MICAL2: variants seen among roughly 807,000 people sequenced by gnomAD.
MICAL2 encodes the protein [F-actin]-monooxygenase MICAL2.
MICAL2 carries 77 observed loss-of-function variants against 127.3 expected under a neutral mutation model. The observed-to-expected ratio is 0.60, with a 90% CI of 0.50 to 0.73. The LOEUF (loss-of-function observed/expected upper bound fraction) is 0.73, where lower values mean the gene tolerates loss of function less well. MICAL2 is among the 30% of genes least tolerant of loss of function. The probability of loss-of-function intolerance (pLI) is 0.00; values close to 1 mark genes in which losing one functional copy is unlikely to be tolerated. For missense variants in MICAL2, 1,351 were observed against 1,434.4 expected (o/e 0.94, Z 0.94); for synonymous variants, 570 against 551.1 (o/e 1.03, Z -0.48).
chr11:12,124,221 A>G (rs145845866), intron 1 of MICAL2, among the ~76,000 whole-genome samples: 2 of 152,248 alleles, frequency 1.3e-5, no homozygotes, highest in East Asian at 3.9e-4. Context: ...TATGCCTTCC[A>G]CAGCGTCACC....
intron 29 of MICAL2, among the ~76,000 whole-genome samples, chr11:12,309,239 A>T (rs983913263): frequency 2.0e-5 from 3 of 152,132 alleles, no homozygotes; most frequent in Non-Finnish European, 4.4e-5. Context: ...AATCATTGTT[A>T]CCTATAATTT....
At chr11:12,178,904 C>A (rs1194823538) in intron 3 of MICAL2, among the ~76,000 whole-genome samples, 1 of 152,050 alleles carries the variant, frequency 6.6e-6, no homozygotes, top group Admixed American at 6.6e-5. Flanking sequence ...ATCACACCTT[C>A]CTTTGCAGTT....
chr11:12,257,067 C>G, intron 24 of MICAL2, 96 bp downstream of exon 24: 1 of 1,251,384 alleles, frequency 8.0e-7, no homozygotes, highest in Non-Finnish European at 1.1e-6. Context: ...CTAGGACACC[C>G]AAACATACCC....
chr11:12,337,032 C>T (rs1416824384), intron 32 of MICAL2, among the ~76,000 whole-genome samples: 7 of 152,164 alleles, frequency 4.6e-5, no homozygotes, highest in Non-Finnish European at 8.8e-5. Context: ...GGAATGGTTC[C>T]AGCTCCTCCT....
chr11:12,148,572 C>A (rs982282785), intron 2 of MICAL2, among the ~76,000 whole-genome samples: 15 of 152,146 alleles, frequency 9.9e-5, no homozygotes, highest in Admixed American at 9.8e-4. Context: ...TGACAAAGGG[C>A]AGCCACACTC....
At chr11:12,177,883 A>G (rs1857005117) in intron 3 of MICAL2, among the ~76,000 whole-genome samples, 1 of 152,024 alleles carries the variant, frequency 6.6e-6, no homozygotes, top group Non-Finnish European at 1.5e-5. Context: ...TCTGGCCTGT[A>G]CCTCTCTCTT....
chr11:12,168,915 C>T (rs1037379984), intron 3 of MICAL2, among the ~76,000 whole-genome samples: 1 of 131,512 alleles, frequency 7.6e-6, no homozygotes, highest in African/African-American at 3.0e-5. Context: ...CCAGAGTACT[C>T]TAGCCTGGGC....
intron 11 of MICAL2, 36 bp downstream of exon 11, chr11:12,222,779 T>G: frequency 1.2e-6 from 2 of 1,612,378 alleles, no homozygotes; most frequent in Non-Finnish European, 1.7e-6. Flanking sequence ...TGAATCACTC[T>G]GCACTGAACA....
chr11:12,235,653 C>CAGCT (rs1363858280), intron 15 of MICAL2, among the ~76,000 whole-genome samples: 7 of 152,298 alleles, frequency 4.6e-5, no homozygotes, highest in African/African-American at 1.7e-4. Context: ...AATCCCTAGG[C>CAGCT]AGCTCATTTG....
chr11:12,192,011 TG>T (rs1209294258), intron 3 of MICAL2, among the ~76,000 whole-genome samples: 2 of 152,042 alleles, frequency 1.3e-5, no homozygotes, highest in Non-Finnish European at 2.9e-5. Flanking sequence ...AAATGGCCTC[TG>T]GGCTCCCTGA....
intron 3 of MICAL2, among the ~76,000 whole-genome samples, chr11:12,189,169 C>T (rs2134006437): frequency 6.6e-6 from 1 of 152,290 alleles, no homozygotes; most frequent in Non-Finnish European, 1.5e-5. Context: ...CATCCAACCC[C>T]TCCTTTACAT....
intron 9 of MICAL2, 33 bp from the exon 10 acceptor site, chr11:12,221,611 A>G: frequency 6.8e-7 from 1 of 1,479,988 alleles, no homozygotes; most frequent in Non-Finnish European, 9.4e-7. Flanking sequence ...AGTCATCAGA[A>G]TCAACTGGAA....
intron 29 of MICAL2, among the ~76,000 whole-genome samples, chr11:12,297,877 T>C (rs1265441872): frequency 6.6e-6 from 1 of 151,954 alleles, no homozygotes; most frequent in Non-Finnish European, 1.5e-5. Context: ...GTCTGTTATA[T>C]ATCAATACCA....
intron 15 of MICAL2, among the ~76,000 whole-genome samples, chr11:12,233,959 A>C (rs964764549): frequency 6.6e-6 from 1 of 152,248 alleles, no homozygotes; most frequent in African/African-American, 2.4e-5. Flanking sequence ...CAGTGCTTCA[A>C]TGTTAAATTC....
Position 12,227,714 on chromosome 11 carries a change from T to C in MICAL2, c.1995+583T>C, listed in dbSNP as rs370884070. Among the ~76,000 whole-genome samples the C allele has an allele frequency of 4.6e-5, 7 of 152,342 alleles. No homozygotes were observed. In the East Asian group the frequency reaches 1.3e-3, roughly 29 times the overall value. ...CTAATAAAGAGGTTCCCAAACTTTC[T>C]CAACTTATAGCACCCTTAATGTCTC... On this transcript the variant is annotated intron_variant, in intron 15 of 27. Transcript: ENST00000683283.
intron 7 of MICAL2, among the ~76,000 whole-genome samples, chr11:12,214,771 C>G (rs574264784): frequency 6.6e-6 from 1 of 152,200 alleles, no homozygotes; most frequent in East Asian, 1.9e-4. Context: ...CATGAGAGAT[C>G]ATGAAAGAGA....
chr11:12,160,312 G>A (rs1382620320), intron 2 of MICAL2, among the ~76,000 whole-genome samples: 2 of 152,090 alleles, frequency 1.3e-5, no homozygotes, highest in Non-Finnish European at 1.5e-5. Flanking sequence ...TGCCTGGACA[G>A]CCCCTTAGCT....
intron 29 of MICAL2, among the ~76,000 whole-genome samples, chr11:12,311,506 G>T (rs1380361970): frequency 6.6e-6 from 1 of 152,130 alleles, no homozygotes; most frequent in Non-Finnish European, 1.5e-5. Context: ...CTGCCTCTGG[G>T]GTTGAAGAGA....
chr11:12,184,072 G>C (rs995447503), intron 3 of MICAL2, among the ~76,000 whole-genome samples: 1 of 152,190 alleles, frequency 6.6e-6, no homozygotes. Flanking sequence ...GAGCCACCAC[G>C]TCGGATCTTG....
Sources: allele counts gnomAD v4.1 joint callset (sites outside exome capture counted in the v4.1 genomes callset), GRCh38; gene constraint gnomAD v4.1.1; transcripts MANE v1.5; gene names NCBI Gene and HGNC (gene_info 2026-07-23, HGNC 2026-07-21).